ANXA6: variants seen among roughly 807,000 people sequenced by gnomAD.
ANXA6 encodes the protein annexin A6.
ANXA6 carries 71 observed loss-of-function variants against 95.4 expected under a neutral mutation model. That is an observed-to-expected ratio of 0.74 (90% CI 0.61 to 0.91). The LOEUF (loss-of-function observed/expected upper bound fraction) is 0.91. Ranked by LOEUF, ANXA6 falls within the 40% of genes least tolerant of loss-of-function variation. ANXA6 has a pLI of 0.00. For missense variants in ANXA6, 830 were observed against 876.4 expected (o/e 0.95, Z 0.67); for synonymous variants, 289 against 315.9 (o/e 0.91, Z 0.90).
chr5:151,109,959 C>G (rs1764804267), intron 21 of ANXA6, 113 bp from the exon 22 acceptor site: 5 of 784,042 alleles, frequency 6.4e-6, no homozygotes. Flanking sequence ...GCTGGGCTCA[C>G]CCAGCCATCC....
intron 15 of ANXA6, among the ~76,000 whole-genome samples, chr5:151,123,876 AGGG>A (rs1487496797): frequency 6.3e-5 from 3 of 47,492 alleles, no homozygotes; most frequent in African/African-American, 3.3e-4. Context: ...CCACAGAATG[AGGG>A]AGGGCTCTTG....
At chr5:151,149,313 C>T (rs749836604) in intron 1 of ANXA6, among the ~76,000 whole-genome samples, 4 of 151,142 alleles carry the variant, frequency 2.6e-5, no homozygotes, top group South Asian at 2.1e-4. Flanking sequence ...AGATATGATA[C>T]GTAAAAATAA....
Position 151,108,542 on chromosome 5 carries a change from C to T in ANXA6, c.1693G>A (p.Glu565Lys). Residue 565 changes from glutamate to lysine, a missense_variant, in exon 23 of 26, where the codon GAG becomes AAG. Physicochemically the swap from Glu to Lys is moderately conservative, Grantham distance 56. Transcript: ENST00000354546. ...SYPHLRRVFQ[E>K]FIKMTNYDVE... ...TCATAGTTGGTCATCTTGATGAACTCCTGGAAGACTGGCCACAAGAGAAGC... is the reference window on the plus strand; with the variant it reads ...TCATAGTTGGTCATCTTGATGAACTTCTGGAAGACTGGCCACAAGAGAAGC... The T allele has an allele frequency of 1.2e-6, 2 of 1,613,884 alleles. No individual in the cohort carries two copies. Among genetic ancestry groups the T allele is most frequent in the South Asian group, 2.2e-5 (2 of 91,082 alleles).
At chr5:151,154,243 G>A (rs1766177060) in intron 1 of ANXA6, among the ~76,000 whole-genome samples, 1 of 150,574 alleles carries the variant, frequency 6.6e-6, no homozygotes, top group Non-Finnish European at 1.5e-5. Flanking sequence ...GACAGACAAG[G>A]CTCCTGGCCC....
intron 2 of ANXA6, among the ~76,000 whole-genome samples, chr5:151,141,258 G>A (rs1284729602): frequency 3.3e-5 from 5 of 152,128 alleles, no homozygotes; most frequent in African/African-American, 1.2e-4. Flanking sequence ...GCCTGTCACC[G>A]AGCACACAGC....
At chr5:151,106,286 C>T (rs1764693686) in intron 23 of ANXA6, among the ~76,000 whole-genome samples, 1 of 152,058 alleles carries the variant, frequency 6.6e-6, no homozygotes, top group Non-Finnish European at 1.5e-5. Context: ...TCTCAGACAG[C>T]TTAAAAAGGA....
chr5:151,130,957 G>A (rs187166047), intron 11 of ANXA6, among the ~76,000 whole-genome samples: 3 of 152,322 alleles, frequency 2.0e-5, no homozygotes, highest in Non-Finnish European at 2.9e-5. Context: ...TTCAAAGTCC[G>A]AGCCGCCAAC....
chr5:151,104,303 G>C (rs1379630472), intron 24 of ANXA6, among the ~76,000 whole-genome samples: 1 of 152,196 alleles, frequency 6.6e-6, no homozygotes, highest in African/African-American at 2.4e-5. Context: ...ACCAGCCCTA[G>C]GAAACTACCA....
rs544401520 is a variant in ANXA6 at position 151,140,346 on chromosome 5, C to T, written c.19-103G>A. 213 of 980,160 alleles carry T rather than the reference C, an allele frequency of 2.2e-4. 1 individual carries two copies. In the African/African-American group the frequency reaches 3.0e-3, roughly 14 times the overall value. 60.7% of individuals were successfully genotyped at this position (980,160 alleles called of 1,614,324 possible). On this transcript the variant is annotated intron_variant, in intron 2 of 25. Transcript: ENST00000354546. ...GCCTACCCTGGTCCAGGCTGAGCTG[C>T]TTTCCCTGCAAAATCCAGTGCTGGC...
chr5:151,119,770 A>G (rs960627669), intron 17 of ANXA6, among the ~76,000 whole-genome samples: 6 of 152,260 alleles, frequency 3.9e-5, no homozygotes, highest in Non-Finnish European at 8.8e-5. Context: ...TGAGTGAAGG[A>G]TCACAGATGA....
intron 15 of ANXA6, 41 bp downstream of exon 15, chr5:151,124,245 T>G (rs375196206): frequency 6.3e-7 from 1 of 1,585,558 alleles, no homozygotes; most frequent in Non-Finnish European, 8.6e-7. Context: ...CCACACCTGC[T>G]GCCCTGGAGA....
intron 2 of ANXA6, among the ~76,000 whole-genome samples, chr5:151,143,274 C>T (rs62379698): frequency 0.093 from 14,204 of 152,124 alleles, 836 homozygotes; most frequent in South Asian, 0.17. Context: ...GGACAACCAC[C>T]ACATAGCCCA....
At chr5:151,130,312 G>A (rs1341909052) in intron 11 of ANXA6, among the ~76,000 whole-genome samples, 2 of 151,006 alleles carry the variant, frequency 1.3e-5, no homozygotes, top group African/African-American at 4.9e-5. Flanking sequence ...ACATAGCACT[G>A]CGTTCACTGA....
At chr5:151,110,520 C>T (rs1418534341) in intron 21 of ANXA6, 107 bp downstream of exon 21, 38 of 1,274,642 alleles carry the variant, frequency 3.0e-5, no homozygotes, top group Middle Eastern at 1.9e-4. Context: ...AGAGAGAAGC[C>T]GCACAGCAAG....
intron 22 of ANXA6, 58 bp from the exon 23 acceptor site, chr5:151,108,608 C>A: frequency 6.8e-7 from 1 of 1,479,644 alleles, no homozygotes; most frequent in Non-Finnish European, 9.4e-7. Context: ...AGGCGGAGGA[C>A]CCCTCCTCAG....
At position 151,105,309 on chromosome 5, in the gene ANXA6, A is replaced by T; in HGVS notation, c.1781-6T>A. 6.2e-7 allele frequency: 1 copy of T among 1,613,894 alleles called. No individual in the cohort carries two copies. Among genetic ancestry groups the T allele is most frequent in the Non-Finnish European group, 8.5e-7 (1 of 1,179,760 alleles). On this transcript the variant is annotated splice_polypyrimidine_tract_variant and splice_region_variant and intron_variant, in intron 23 of 25. Coordinates refer to ENST00000354546, the MANE Select transcript of ANXA6 (RefSeq NM_001155.5). Reference sequence around the variant, plus strand: ...CTTGTTCTTGACACTTTGAACTGGTAGGAAGAGCAGAGAGATGCGGGGAAC... The same window carrying T: ...CTTGTTCTTGACACTTTGAACTGGTTGGAAGAGCAGAGAGATGCGGGGAAC...
chr5:151,122,451 G>T (rs917076080), intron 16 of ANXA6, among the ~76,000 whole-genome samples, 191 bp from the exon 17 acceptor site: 7 of 152,174 alleles, frequency 4.6e-5, no homozygotes, highest in African/African-American at 1.7e-4. Context: ...CCAGGAGGAA[G>T]ACCCACTCTC....
intron 2 of ANXA6, among the ~76,000 whole-genome samples, chr5:151,146,378 A>G (rs1345868181): frequency 6.6e-6 from 1 of 152,184 alleles, no homozygotes; most frequent in African/African-American, 2.4e-5. Context: ...CAGAGAGGCC[A>G]CTTGTACACA....
chr5:151,153,084 C>G (rs1766146582), intron 1 of ANXA6, among the ~76,000 whole-genome samples: 1 of 152,102 alleles, frequency 6.6e-6, no homozygotes, highest in Non-Finnish European at 1.5e-5. Context: ...CCAATGGTGC[C>G]CCTTAATACT....
Sources: allele counts gnomAD v4.1 joint callset (sites outside exome capture counted in the v4.1 genomes callset), GRCh38; gene constraint gnomAD v4.1.1; transcripts MANE v1.5; gene names NCBI Gene and HGNC (gene_info 2026-07-23, HGNC 2026-07-21).